GPAT4: variants seen among roughly 807,000 people sequenced by gnomAD.
The protein encoded by GPAT4 is glycerol-3-phosphate acyltransferase 4, also known as 1-AGP acyltransferase 6.
A neutral mutation model predicts 58.0 loss-of-function variants in GPAT4; 17 were observed. The observed-to-expected ratio is 0.29, with a 90% CI of 0.20 to 0.44. The LOEUF is 0.44. Ranked by LOEUF, GPAT4 falls within the 20% of genes least tolerant of loss-of-function variation. GPAT4 has a pLI of 1.00. For synonymous variants in GPAT4, 204 were observed against 210.1 expected (o/e 0.97, Z 0.25); for missense variants, 377 against 574.5 (o/e 0.66, Z 3.51).
intron 10 of GPAT4, 70 bp from the exon 11 acceptor site, chr8:41,618,614 C>T: frequency 1.3e-6 from 2 of 1,578,200 alleles, no homozygotes; most frequent in Non-Finnish European, 8.7e-7. Flanking sequence ...TCACTCACAG[C>T]AGTCACTGTG....
At position 41,609,777 on chromosome 8, in the gene GPAT4, C is replaced by T. The variant is rs1352474249; in HGVS notation, c.358C>T (p.Arg120Trp). The part of the protein sequence containing the change: ...FELSDIFYFC[R>W]KGMETIMDDE... Reference sequence around the variant, plus strand: ...GCTCTCTGACATTTTCTACTTTTGCCGGAAAGGAATGGAGACCATTATGGA... The same window carrying T: ...GCTCTCTGACATTTTCTACTTTTGCTGGAAAGGAATGGAGACCATTATGGA... Residue 120 changes from arginine to tryptophan, a missense_variant, in exon 4 of 13, where the codon CGG becomes TGG. Coordinates refer to ENST00000396987, the MANE Select transcript of GPAT4 (RefSeq NM_178819.4). 5 of 1,614,052 alleles carry T rather than the reference C, an allele frequency of 3.1e-6. No homozygotes were observed. Among genetic ancestry groups the T allele is most frequent in the Non-Finnish European group, 2.5e-6 (3 of 1,180,030 alleles).
intron 1 of GPAT4, among the ~76,000 whole-genome samples, chr8:41,588,021 G>A (rs1802699891): frequency 6.6e-6 from 1 of 152,176 alleles, no homozygotes; most frequent in Non-Finnish European, 1.5e-5. Flanking sequence ...TGCTTGCTAG[G>A]CAAGTTGTGT....
At position 41,618,830 on chromosome 8, in the gene GPAT4, G is replaced by A. The variant is rs1319027474; in HGVS notation, c.1182+18G>A. On this transcript the variant is annotated intron_variant, in intron 11 of 12. Transcript: ENST00000396987. ...CTAGAGAGGTGAGTGCCTGCCCCAG[G>A]CAGGTCTGCGCCTGCTCTGTGTAAC... The A allele has an allele frequency of 1.2e-6, 2 of 1,614,254 alleles. No individual in the cohort carries two copies. Among genetic ancestry groups the A allele is most frequent in the South Asian group, 2.2e-5 (2 of 91,088 alleles).
chr8:41,610,996 G>A (rs542134535), intron 5 of GPAT4, among the ~76,000 whole-genome samples, 186 bp downstream of exon 5: 19 of 152,332 alleles, frequency 1.2e-4, no homozygotes, highest in Non-Finnish European at 2.4e-4. Context: ...GGAGGCTGAG[G>A]TGGGTGGATC....
Position 41,612,864 on chromosome 8 carries a change from G to A in GPAT4, c.815G>A (p.Gly272Glu), listed in dbSNP as rs1336702973. Residue 272 changes from glycine to glutamate, a missense_variant, in exon 8 of 13, where the codon GGA (glycine) becomes GAA (glutamate). By Grantham distance (98) the Gly-to-Glu change is moderately conservative (BLOSUM62 -2). Coordinates refer to ENST00000396987, the MANE Select transcript of GPAT4 (RefSeq NM_178819.4). ...GCTTAGGTGGGTCAAGTGCACGGGGGACTCATGGGTGTGATTCAGAGAGCC... is the reference window on the plus strand; with the variant it reads ...GCTTAGGTGGGTCAAGTGCACGGGGAACTCATGGGTGTGATTCAGAGAGCC... The part of the protein sequence containing the change: ...YYAMVGQVHG[G>E]LMGVIQRAMV... 6.2e-7 allele frequency: 1 copy of A among 1,614,096 alleles called. No individual in the cohort carries two copies. Among genetic ancestry groups the A allele is most frequent in the East Asian group, 2.2e-5 (1 of 44,868 alleles).
intron 1 of GPAT4, among the ~76,000 whole-genome samples, chr8:41,589,487 G>T (rs1043850226): frequency 6.6e-6 from 1 of 152,136 alleles, no homozygotes; most frequent in Non-Finnish European, 1.5e-5. Context: ...GTATTTTAGG[G>T]TCTGTATCTG....
chr8:41,598,199 G>A (rs2150491540), intron 1 of GPAT4, 93 bp from the exon 2 acceptor site: 1 of 152,180 alleles, frequency 6.6e-6, no homozygotes, highest in Admixed American at 6.5e-5. Flanking sequence ...ACAGTTTTAG[G>A]CTTACCCTAA....
chr8:41,580,357 C>G (rs1013091153), intron 1 of GPAT4, among the ~76,000 whole-genome samples: 3 of 152,172 alleles, frequency 2.0e-5, no homozygotes, highest in Admixed American at 2.0e-4. Flanking sequence ...TCTTCTTTTT[C>G]TGAGAGAACA....
intron 6 of GPAT4, 77 bp from the exon 7 acceptor site, chr8:41,612,103 A>C (rs567270950): frequency 6.3e-7 from 1 of 1,588,296 alleles, no homozygotes; most frequent in South Asian, 1.1e-5. Context: ...GAGCAGATGA[A>C]GCATGTGAGG....
At chr8:41,615,379 A>T (rs1201538853) in intron 10 of GPAT4, among the ~76,000 whole-genome samples, 1 of 149,316 alleles carries the variant, frequency 6.7e-6, no homozygotes, top group Non-Finnish European at 1.5e-5. Flanking sequence ...CCACATGGAA[A>T]GCTGGCTGAT....
At chr8:41,592,140 A>G (rs1802806394) in intron 1 of GPAT4, among the ~76,000 whole-genome samples, 1 of 152,202 alleles carries the variant, frequency 6.6e-6, no homozygotes, top group African/African-American at 2.4e-5. Context: ...GGAAGCATAG[A>G]CAGGGAAGCC....
chr8:41,610,528 C>T (rs940057688), intron 4 of GPAT4: 1 of 1,447,212 alleles, frequency 6.9e-7, no homozygotes, highest in Non-Finnish European at 9.1e-7. Flanking sequence ...AGCTGAGAGC[C>T]AGACCCATGG....
Position 41,618,664 on chromosome 8 carries a change from C to G in GPAT4, c.1054-20C>G, listed in dbSNP as rs897615295. 3.7e-6 allele frequency: 6 copies of G among 1,613,320 alleles called. No individual in the cohort carries two copies. In the East Asian group the frequency reaches 8.9e-5, roughly 24 times the overall value. ...GTGAGAACTACTCATGTCTTACCTCCAGCTTTCCATTGTTTTCAGTATGAC... is the reference window on the plus strand; with the variant it reads ...GTGAGAACTACTCATGTCTTACCTCGAGCTTTCCATTGTTTTCAGTATGAC... On this transcript the variant is annotated intron_variant, in intron 10 of 12. Transcript: ENST00000396987.
chr8:41,590,077 G>C (rs1432797789), intron 1 of GPAT4, among the ~76,000 whole-genome samples: 1 of 151,966 alleles, frequency 6.6e-6, no homozygotes, highest in Non-Finnish European at 1.5e-5. Context: ...TCCAGATCTT[G>C]ATGGTTTTCT....
intron 1 of GPAT4, among the ~76,000 whole-genome samples, chr8:41,591,812 G>A (rs1802796909): frequency 6.6e-6 from 1 of 152,180 alleles, no homozygotes; most frequent in South Asian, 2.1e-4. Context: ...TGTGTAGACA[G>A]CAATTACTAA....
chr8:41,590,711 C>T (rs534287509), intron 1 of GPAT4, among the ~76,000 whole-genome samples: 18 of 152,290 alleles, frequency 1.2e-4, no homozygotes, highest in African/African-American at 4.3e-4. Flanking sequence ...AAGTGGCCAT[C>T]AGAACTAGGA....
intron 10 of GPAT4, 36 bp downstream of exon 10, chr8:41,615,084 G>A: frequency 5.1e-6 from 8 of 1,566,526 alleles, no homozygotes; most frequent in Non-Finnish European, 7.0e-6. Context: ...TGTCATTACT[G>A]GAGCTGCTGT....
chr8:41,586,419 G>A (rs1049270790), intron 1 of GPAT4, among the ~76,000 whole-genome samples: 3 of 152,088 alleles, frequency 2.0e-5, no homozygotes, highest in Admixed American at 6.6e-5. Context: ...TCTTTCTCTT[G>A]GGTATGTACT....
chr8:41,588,883 G>A (rs1469535806), intron 1 of GPAT4, among the ~76,000 whole-genome samples: 1 of 152,210 alleles, frequency 6.6e-6, no homozygotes, highest in Non-Finnish European at 1.5e-5. Context: ...CTGATTCTCT[G>A]GAATGTTTGG....
Sources: allele counts gnomAD v4.1 joint callset (sites outside exome capture counted in the v4.1 genomes callset), GRCh38; gene constraint gnomAD v4.1.1; transcripts MANE v1.5; gene names NCBI Gene and HGNC (gene_info 2026-07-23, HGNC 2026-07-21).